Variants in MATR3 observed in about 807,000 individuals in gnomAD.
MATR3 encodes matrin-3.
MATR3 carries 4 observed loss-of-function variants against 85.5 expected under a neutral mutation model. The observed-to-expected ratio is 0.05, with a 90% CI of 0.02 to 0.11. The LOEUF (loss-of-function observed/expected upper bound fraction) is 0.11. Ranked by LOEUF, MATR3 falls within the 10% of genes least tolerant of loss-of-function variation. The pLI is 1.00. For synonymous variants in MATR3, 336 were observed against 343.1 expected, an observed-to-expected ratio of 0.98 and a Z score of 0.23; for missense variants, 685 against 1,016.1, an observed-to-expected ratio of 0.67 and a Z score of 4.43.
intron 1 of MATR3, among the ~76,000 whole-genome samples, chr5:139,299,598 G>A: frequency 6.6e-6 from 1 of 152,180 alleles, no homozygotes; most frequent in Non-Finnish European, 1.5e-5. Flanking sequence ...CCAAGAGATT[G>A]AGTCTGCAAT....
At chr5:139,290,588 C>T (rs1284897641), upstream of MATR3, among the ~76,000 whole-genome samples, 1 of 151,424 alleles carries the variant, frequency 6.6e-6, no homozygotes, top group African/African-American at 2.4e-5. Flanking sequence ...GCTGGGACTA[C>T]AGGTGCGTAT....
At chr5:139,304,501 A>G (rs988427013) in intron 1 of MATR3, among the ~76,000 whole-genome samples, 3 of 130,158 alleles carry the variant, frequency 2.3e-5, no homozygotes, top group South Asian at 2.3e-4. Flanking sequence ...ACTCCATCTG[A>G]AAAAAAAAAA....
intron 3 of MATR3, chr5:139,315,427 CCTT>C: frequency 2.6e-6 from 1 of 385,014 alleles, no homozygotes; most frequent in Non-Finnish European, 4.8e-6. Flanking sequence ...GGCACTTCCT[CCTT>C]ACAATTTAAC....
intron 13 of MATR3, 138 bp from the exon 14 acceptor site, chr5:139,326,025 G>A (rs1338189086): frequency 1.3e-6 from 1 of 777,222 alleles, no homozygotes; most frequent in African/African-American, 1.8e-5. Flanking sequence ...ATATGGTTCG[G>A]TTTTTGTTTT....
chr5:139,321,360 T>G (rs555352156), intron 9 of MATR3, among the ~76,000 whole-genome samples: 5 of 152,050 alleles, frequency 3.3e-5, no homozygotes, highest in Non-Finnish European at 5.9e-5. Flanking sequence ...ACCATACTGG[T>G]CAGGCTGTTC....
At chr5:139,288,532 T>C (rs757620265) in intron 3 of MATR3, among the ~76,000 whole-genome samples, 1 of 152,162 alleles carries the variant, frequency 6.6e-6, no homozygotes, top group Non-Finnish European at 1.5e-5. Flanking sequence ...ACTTGCAGAG[T>C]AGAAAGCAGA....
At chr5:139,316,475 GCCTCAGGTGGA>G (rs1755250378) in intron 5 of MATR3, among the ~76,000 whole-genome samples, 1 of 152,016 alleles carries the variant, frequency 6.6e-6, no homozygotes, top group Non-Finnish European at 1.5e-5. Flanking sequence ...CGAACTCTTG[GCCTCAGGTGGA>G]CTACCCGCCT....
rs762927343 is a variant in MATR3, at chr5:139,325,696, ACT to A, written c.2371+38_2371+39del. 4.0e-5 allele frequency: 62 copies of A among 1,558,636 alleles called. No individual in the cohort carries two copies. The South Asian group carries it at 6.7e-4, about 17-fold the overall frequency. On this transcript the variant is annotated intron_variant, in intron 13 of 14. Transcript: ENST00000394805. ...TAAGTCTTTGTTCTTCACCTTCCTC[ACT>A]CTCCTCAAAACAAACTCTTAGGTTT...
At chr5:139,290,193 TG>T (rs1476103935), upstream of MATR3, among the ~76,000 whole-genome samples, 4 of 151,872 alleles carry the variant, frequency 2.6e-5, no homozygotes, top group African/African-American at 4.8e-5. Flanking sequence ...TTTTTTTTTT[TG>T]AGACAGAGTC....
chr5:139,293,115 C>T (rs1330234921), upstream of MATR3, among the ~76,000 whole-genome samples: 3 of 152,046 alleles, frequency 2.0e-5, no homozygotes, highest in African/African-American at 4.8e-5. Flanking sequence ...AAAAAGTTAG[C>T]TGGCCATGGT....
At chr5:139,280,308 G>C (rs1753468041) in intron 3 of MATR3, among the ~76,000 whole-genome samples, 1 of 152,222 alleles carries the variant, frequency 6.6e-6, no homozygotes. Context: ...TTGGCCCATA[G>C]GCTATGGTTT....
chr5:139,303,210 T>G (rs190694700), intron 1 of MATR3, among the ~76,000 whole-genome samples: 5 of 152,338 alleles, frequency 3.3e-5, no homozygotes, highest in Admixed American at 6.5e-5. Flanking sequence ...CAAGTGATTC[T>G]CCGGCCTTAG....
At chr5:139,328,832 G>C (rs563713942) in intron 14 of MATR3, among the ~76,000 whole-genome samples, 1 of 151,962 alleles carries the variant, frequency 6.6e-6, no homozygotes, top group Non-Finnish European at 1.5e-5. Flanking sequence ...TGAAAACCCC[G>C]TCTCTACCAA....
chr5:139,292,580 TTCAG>T (rs1281142669), upstream of MATR3, among the ~76,000 whole-genome samples: 2 of 152,046 alleles, frequency 1.3e-5, no homozygotes. Context: ...GTGTATTGCA[TTCAG>T]TCAAATTCAC....
intron 1 of MATR3, among the ~76,000 whole-genome samples, chr5:139,305,061 C>T (rs144737407): frequency 2.8e-3 from 433 of 152,282 alleles, no homozygotes; most frequent in African/African-American, 9.9e-3. Context: ...TTGCTTTTCA[C>T]TAATTTTACC....
At chr5:139,316,402 C>T (rs1246189679) in intron 5 of MATR3, among the ~76,000 whole-genome samples, 4 of 152,052 alleles carry the variant, frequency 2.6e-5, no homozygotes, top group Non-Finnish European at 4.4e-5. Flanking sequence ...CCCACCACCA[C>T]GCCCAGCTAA....
At chr5:139,289,179 T>G (rs1221018079), upstream of MATR3, among the ~76,000 whole-genome samples, 1 of 152,246 alleles carries the variant, frequency 6.6e-6, no homozygotes, top group Non-Finnish European at 1.5e-5. Flanking sequence ...TCACATTTTG[T>G]AAGCTTTGCT....
chr5:139,302,150 A>C (rs1581226852), intron 1 of MATR3, among the ~76,000 whole-genome samples: 1 of 152,104 alleles, frequency 6.6e-6, no homozygotes, highest in South Asian at 2.1e-4. Flanking sequence ...TTTAGTAGAG[A>C]CGGGGTTTCA....
chr5:139,285,805 G>A (rs1235646719), intron 3 of MATR3, among the ~76,000 whole-genome samples: 10 of 152,060 alleles, frequency 6.6e-5, no homozygotes, highest in Non-Finnish European at 1.2e-4. Context: ...TTCCACAGAC[G>A]TTTCAACAAC....
Sources: allele counts gnomAD v4.1 joint callset (sites outside exome capture counted in the v4.1 genomes callset), GRCh38; gene constraint gnomAD v4.1.1; transcripts MANE v1.5; gene names NCBI Gene and HGNC (gene_info 2026-07-23, HGNC 2026-07-21).